Variants in SENP5 observed in about 807,000 individuals in gnomAD.
SENP5 encodes SUMO specific peptidase 5.
In SENP5, 21 loss-of-function variants were observed where a neutral mutation model predicts 74.2. That is an observed-to-expected ratio of 0.28 (90% CI 0.20 to 0.41). SENP5 has a LOEUF of 0.41. Ranked by LOEUF, SENP5 falls within the 10% of genes least tolerant of loss-of-function variation. The pLI is 1.00. For missense variants in SENP5, 717 were observed against 889.1 expected (o/e 0.81, Z 2.46); for synonymous variants, 311 against 312.7 (o/e 0.99, Z 0.06).
intron 5 of SENP5, among the ~76,000 whole-genome samples, chr3:196,901,910 G>A (rs188987677): frequency 2.1e-4 from 32 of 152,268 alleles, no homozygotes; most frequent in African/African-American, 7.2e-4. Flanking sequence ...CATACTAGCA[G>A]CATCAGTATC....
chr3:196,879,557 A>T (rs1713631357), intron 1 of SENP5, among the ~76,000 whole-genome samples: 1 of 152,178 alleles, frequency 6.6e-6, no homozygotes, highest in African/African-American at 2.4e-5. Flanking sequence ...CTCCAGGCTT[A>T]AGGCACATTG....
At chr3:196,886,763 A>G (rs751462975) in intron 2 of SENP5, 69 bp downstream of exon 2, 124 of 1,307,326 alleles carry the variant, frequency 9.5e-5, no homozygotes, top group Non-Finnish European at 1.2e-4. Context: ...CCTTGCTAAT[A>G]AGAGTCCTAT....
chr3:196,928,683 G>A (rs1715908457), intron 8 of SENP5, among the ~76,000 whole-genome samples: 2 of 152,112 alleles, frequency 1.3e-5, no homozygotes, highest in African/African-American at 4.8e-5. Flanking sequence ...AACCCAAAGA[G>A]ACAAGATTTA....
chr3:196,894,452 GA>G (rs368692924), intron 2 of SENP5, among the ~76,000 whole-genome samples: 22 of 151,378 alleles, frequency 1.5e-4, no homozygotes, highest in African/African-American at 5.3e-4. Flanking sequence ...TAGTGCTTTG[GA>G]AAAAAGTTAA....
intron 7 of SENP5, among the ~76,000 whole-genome samples, chr3:196,924,013 GT>G (rs1485607717): frequency 6.6e-6 from 1 of 152,126 alleles, no homozygotes; most frequent in East Asian, 1.9e-4. Flanking sequence ...GTAAGAAAAT[GT>G]AACTGGGAAT....
At chr3:196,892,865 A>C (rs1208770837) in intron 2 of SENP5, among the ~76,000 whole-genome samples, 2 of 152,224 alleles carry the variant, frequency 1.3e-5, no homozygotes, top group East Asian at 3.8e-4. Context: ...TCCATGTTGC[A>C]GATGACAGGA....
At chr3:196,873,856 A>G (rs557969537) in intron 1 of SENP5, among the ~76,000 whole-genome samples, 2 of 152,140 alleles carry the variant, frequency 1.3e-5, no homozygotes, top group South Asian at 4.2e-4. Context: ...AAACAAAACA[A>G]AAAACATAAT....
chr3:196,892,871 C>G (rs746384135), intron 2 of SENP5, among the ~76,000 whole-genome samples: 5 of 152,124 alleles, frequency 3.3e-5, no homozygotes, highest in Non-Finnish European at 5.9e-5. Flanking sequence ...TTGCAGATGA[C>G]AGGATGTTTT....
chr3:196,916,023 G>C (rs1715359153), intron 6 of SENP5, among the ~76,000 whole-genome samples: 5 of 152,114 alleles, frequency 3.3e-5, no homozygotes, highest in African/African-American at 1.2e-4. Flanking sequence ...ACACCTGCAG[G>C]CATCAAGAAC....
Position 196,933,020 on chromosome 3 carries a change from G to GTTTTTTTTTTTTTTTTTTT in SENP5, c.*2112_*2113insTTTTTTTTTTTTTTTTTTT, listed in dbSNP as rs71161976. 1.7e-5 allele frequency: 2 copies of GTTTTTTTTTTTTTTTTTTT among 121,128 alleles called. No homozygotes were observed. Among genetic ancestry groups the GTTTTTTTTTTTTTTTTTTT allele is most frequent in the Admixed American group, 9.5e-5 (1 of 10,526 alleles). The allele number at this position is 121,128 out of a possible 1,614,324, so 7.5% of individuals were successfully genotyped here. A position where few individuals can be genotyped will look rare whatever the true frequency, so the allele number is the denominator to read the frequency against. On this transcript the variant is annotated 3_prime_UTR_variant, in exon 10 of 10. Transcript: ENST00000323460. ...ACTAAATGTTGAGTTTGGGTTTTTT[G>GTTTTTTTTTTTTTTTTTTT]TTTTTTTTTTTTTTTGAGTCAGAGT...
At chr3:196,901,943 C>T (rs1359682824) in intron 5 of SENP5, among the ~76,000 whole-genome samples, 2 of 152,168 alleles carry the variant, frequency 1.3e-5, no homozygotes, top group Non-Finnish European at 2.9e-5. Context: ...ACTAGAAATG[C>T]ACATTCTGAG....
intron 2 of SENP5, among the ~76,000 whole-genome samples, chr3:196,887,510 TG>T (rs1331108816): frequency 6.6e-6 from 1 of 150,484 alleles, no homozygotes; most frequent in African/African-American, 2.5e-5. Context: ...GGATTGTTTC[TG>T]TTTTTTTTTT....
intron 1 of SENP5, among the ~76,000 whole-genome samples, chr3:196,870,709 G>C (rs1000544212): frequency 2.0e-5 from 3 of 151,606 alleles, no homozygotes; most frequent in Non-Finnish European, 2.9e-5. Flanking sequence ...GTAGAGATGG[G>C]GTTTCACCAT....
intron 6 of SENP5, among the ~76,000 whole-genome samples, chr3:196,918,384 G>A (rs1448889851): frequency 5.1e-5 from 6 of 118,546 alleles, no homozygotes; most frequent in East Asian, 2.0e-4. Context: ...TTCTGTTTTC[G>A]TTTTCTCTTG....
chr3:196,926,162 T>G (rs1314989242), intron 7 of SENP5, among the ~76,000 whole-genome samples: 1 of 152,154 alleles, frequency 6.6e-6, no homozygotes, highest in East Asian at 1.9e-4. Flanking sequence ...TAAGGACAAA[T>G]CCTTTTTGCC....
chr3:196,923,422 G>A lies in SENP5; in HGVS notation c.1893G>A (p.Leu631=), dbSNP rs1277378995. ...TCTCTTTTCTTGATCAGGTGGATTT[G>A]TTTAAAAAGAGTCTTCTGTTGATTC... is the stretch of plus-strand genomic sequence containing the variant. ...GVKRWTKKVD[L]FKKSLLLIPI... is the part of the protein sequence containing the mutation. The change falls in exon 7 of 10, where the codon TTG becomes TTA. Residue 631 remains leucine (L), a synonymous_variant. Transcript: ENST00000323460. 4 of 1,606,912 alleles carry A rather than the reference G, an allele frequency of 2.5e-6. No homozygotes were observed. Among genetic ancestry groups the A allele is most frequent in the Non-Finnish European group, 3.4e-6 (4 of 1,178,092 alleles).
At chr3:196,895,330 C>T (rs547364333) in intron 2 of SENP5, among the ~76,000 whole-genome samples, 15 of 151,686 alleles carry the variant, frequency 9.9e-5, no homozygotes, top group African/African-American at 3.1e-4. Flanking sequence ...GGACTACAGG[C>T]GCCCGCCACC....
At chr3:196,929,992 A>T (rs868238880) in intron 9 of SENP5, among the ~76,000 whole-genome samples, 182 of 151,560 alleles carry the variant, frequency 1.2e-3, no homozygotes, top group Middle Eastern at 3.4e-3. Flanking sequence ...TTGCATAAAA[A>T]AAAAAAAAAA....
chr3:196,930,724 A>C (rs1404329646), intron 9 of SENP5, 89 bp from the exon 10 acceptor site: 2 of 847,726 alleles, frequency 2.4e-6, no homozygotes, highest in African/African-American at 3.3e-5. Flanking sequence ...TGCCTTAGAC[A>C]CTATTAGGTC....
Sources: gnomAD v4.1 joint callset for allele counts (sites outside exome capture counted in the v4.1 genomes callset) on GRCh38, gnomAD v4.1.1 for gene constraint, MANE v1.5 for transcripts, NCBI Gene and HGNC (gene_info 2026-07-23, HGNC 2026-07-21) for gene names.